The following FNDC1 variants were observed in gnomAD, a reference collection of about 807,000 sequenced individuals.
FNDC1 encodes the protein fibronectin type III domain containing 1.
A neutral mutation model predicts 168.0 loss-of-function variants in FNDC1; 96 were observed. That is an observed-to-expected ratio of 0.57 (90% confidence interval 0.48 to 0.68). The LOEUF (loss-of-function observed/expected upper bound fraction) is 0.68, where lower values mean the gene tolerates loss of function less well. Ranked by LOEUF, FNDC1 falls within the 30% of genes least tolerant of loss-of-function variation. The pLI, the probability that FNDC1 is intolerant of heterozygous loss-of-function variation, is 0.00. For synonymous variants in FNDC1, 1,099 were observed against 1,025.9 expected, an observed-to-expected ratio of 1.07 and a Z score of -1.36; for missense variants, 2,587 against 2,482.1, an observed-to-expected ratio of 1.04 and a Z score of -0.90.
intron 15 of FNDC1, among the ~76,000 whole-genome samples, chr6:159,247,673 C>T (rs1288107639): frequency 6.6e-6 from 1 of 152,044 alleles, no homozygotes; most frequent in Non-Finnish European, 1.5e-5. Context: ...TGTTTTCAGC[C>T]CAGGAGTTCG....
At chr6:159,269,226 T>C (rs1194588651) in intron 22 of FNDC1, among the ~76,000 whole-genome samples, 5 of 138,484 alleles carry the variant, frequency 3.6e-5, no homozygotes, top group East Asian at 2.3e-4. Flanking sequence ...TCTATCTATC[T>C]ATCTATCTAT....
intron 6 of FNDC1, among the ~76,000 whole-genome samples, chr6:159,222,983 CATTT>C (rs1435932010): frequency 3.4e-5 from 4 of 116,480 alleles, no homozygotes; most frequent in African/African-American, 1.4e-4. Flanking sequence ...GTGAAATACT[CATTT>C]TTTTTTTTTT....
intron 1 of FNDC1, among the ~76,000 whole-genome samples, chr6:159,178,747 T>A (rs549821689): frequency 7.0e-6 from 1 of 142,604 alleles, no homozygotes; most frequent in Non-Finnish European, 1.5e-5. Flanking sequence ...AGTGTTTTTC[T>A]TTTTTTTTTT....
chr6:159,267,283 T>A (rs894416232), intron 21 of FNDC1, among the ~76,000 whole-genome samples: 5 of 152,230 alleles, frequency 3.3e-5, no homozygotes, highest in African/African-American at 9.6e-5. Flanking sequence ...GCTTCAGAAT[T>A]CCTAGGAGAG....
At chr6:159,209,459 G>A (rs1232321531) in intron 4 of FNDC1, among the ~76,000 whole-genome samples, 1 of 152,210 alleles carries the variant, frequency 6.6e-6, no homozygotes, top group East Asian at 1.9e-4. Context: ...TACCCCGCTT[G>A]GGGGCACAGA....
chr6:159,255,595 T>C (rs1309945229), intron 17 of FNDC1, among the ~76,000 whole-genome samples: 2 of 152,216 alleles, frequency 1.3e-5, no homozygotes, highest in Admixed American at 6.5e-5. Flanking sequence ...AAATATTTGT[T>C]TAATGAATCA....
intron 1 of FNDC1, among the ~76,000 whole-genome samples, chr6:159,176,402 T>C (rs1015741710): frequency 3.3e-5 from 5 of 152,100 alleles, no homozygotes; most frequent in Admixed American, 2.0e-4. Context: ...TACAGACAGG[T>C]GATACGTGCT....
In FNDC1 at chr6:159,239,897, G is replaced by C. The variant is rs751784115; in HGVS notation, c.4561G>C (p.Asp1521His). The C allele has an allele frequency of 6.5e-7, 1 of 1,529,442 alleles. No individual in the cohort carries two copies. Among genetic ancestry groups the C allele is most frequent in the Non-Finnish European group, 8.8e-7 (1 of 1,134,600 alleles). 94.7% of individuals were successfully genotyped at this position (1,529,442 alleles called of 1,614,324 possible). The part of the protein sequence containing the change: ...TCPPGTLERH[D>H]DDGNLIMSSN... The stretch of plus-strand genomic sequence containing the variant: ...TCCCCCTGGGACCTTGGAACGGCAC[G>C]ACGATGATGGCAACCTGATAATGAG... The change falls in exon 14 of 23, where the codon GAC becomes CAC. Residue 1521 changes from aspartate to histidine, a missense_variant. By Grantham distance (81) the Asp-to-His change is moderately conservative (BLOSUM62 -1). Transcript: ENST00000297267.
rs1427879660 is a variant in FNDC1 at position 159,169,538 on chromosome 6, C to G, written c.-59C>G. The G allele has an allele frequency of 1.8e-5, 9 of 511,478 alleles. No individual in the cohort carries two copies. Among genetic ancestry groups the G allele is most frequent in the African/African-American group, 1.4e-4 (7 of 48,378 alleles). The allele number at this position is 511,478 out of a possible 1,614,324, so 31.7% of individuals were successfully genotyped here. On this transcript the variant is annotated 5_prime_UTR_variant, in exon 1 of 23. Coordinates refer to ENST00000297267, the MANE Select transcript of FNDC1 (RefSeq NM_032532.3). The surrounding 1 kb of genome is among the most constrained non-coding windows in gnomAD (Gnocchi z 6.8). ...GCGGCGCCTCGGCACTCCCCAGACT[C>G]CGGCCAGCGCCCCCCTGCCAGCCGC...
At chr6:159,220,368 C>G (rs484504) in intron 5 of FNDC1, among the ~76,000 whole-genome samples, 3 of 152,114 alleles carry the variant, frequency 2.0e-5, no homozygotes, top group African/African-American at 7.2e-5. Context: ...GTGTCACTTC[C>G]GTTAACTTAC....
chr6:159,256,720 T>A, intron 18 of FNDC1, 89 bp downstream of exon 18: 1 of 975,562 alleles, frequency 1.0e-6, no homozygotes, highest in South Asian at 1.4e-5. Context: ...GGAATCAAAA[T>A]GTTTTTGTGA....
chr6:159,223,332 A>C (rs1782877515), intron 6 of FNDC1, among the ~76,000 whole-genome samples, 196 bp from the exon 7 acceptor site: 1 of 152,136 alleles, frequency 6.6e-6, no homozygotes, highest in Admixed American at 6.5e-5. Context: ...TAAGAAATGC[A>C]AGACTGAGAT....
In FNDC1 at chr6:159,176,641, C is replaced by T. The variant is rs562625311; in HGVS notation, c.109+6936C>T. On this transcript the variant is annotated intron_variant, in intron 1 of 22. Coordinates refer to ENST00000297267, the MANE Select transcript of FNDC1 (RefSeq NM_032532.3). ...GCTGCTCTGGGTCAATGGTGGCATT[C>T]GGGGTTGGAGGTGTAGGAGGCACCC... Among the ~76,000 whole-genome samples, 13 of 152,204 alleles carry T rather than the reference C, an allele frequency of 8.5e-5. No homozygotes were observed. The East Asian group carries it at 1.9e-3, about 23-fold the overall frequency.
chr6:159,271,242 C>A (rs1275112385), intron 22 of FNDC1, 85 bp from the exon 23 acceptor site: 7 of 862,032 alleles, frequency 8.1e-6, no homozygotes, highest in African/African-American at 1.7e-5. Context: ...CAGAGGCCTT[C>A]TGTCTGAAGG....
In FNDC1 at chr6:159,269,257, CATCTATCT is replaced by C. The variant is rs369450487; in HGVS notation, c.5569+1359_5569+1366del. ...TCTATCTATCTATCTATCCATCTATCATCTATCTATCTATCTATCTATCTATCTATCTA... is the reference window on the plus strand; with the variant it reads ...TCTATCTATCTATCTATCCATCTATCATCTATCTATCTATCTATCTATCTA... On this transcript the variant is annotated intron_variant, in intron 22 of 22. Coordinates refer to ENST00000297267, the MANE Select transcript of FNDC1 (RefSeq NM_032532.3). 4.5e-4 allele frequency among the ~76,000 whole-genome samples: 19 copies of C among 42,624 alleles called. 2 individuals are homozygous for C. Among genetic ancestry groups the C allele is most frequent in the Admixed American group, 1.2e-3 (4 of 3,426 alleles). 28.0% of individuals were successfully genotyped at this position (42,624 alleles called of 152,430 possible).
At position 159,234,001 on chromosome 6, in the gene FNDC1, C is replaced by A; in HGVS notation, c.3489C>A (p.Ser1163=). 5 of 1,606,198 alleles carry A rather than the reference C, an allele frequency of 3.1e-6. No individual in the cohort carries two copies. The highest frequency in any genetic ancestry group is 4.2e-6 in the Non-Finnish European group (5 of 1,176,892). Residue 1163 remains serine (S), a synonymous_variant, in exon 11 of 23, where the codon TCC becomes TCA. Transcript: ENST00000297267. ...CGCCGGGGAAGTCGGAGCCTCCTTC[C>A]AAGCGGCCCCTGTCCTCCAAGTCCC... ...RAAPGKSEPP[S]KRPLSSKSQQ...
Position 159,229,910 on chromosome 6 carries a change from C to T in FNDC1, c.1276C>T (p.Gln426Ter), listed in dbSNP as rs777221466. 5.0e-6 allele frequency: 8 copies of T among 1,613,968 alleles called. No individual in the cohort carries two copies. The highest frequency in any genetic ancestry group is 6.8e-6 in the Non-Finnish European group (8 of 1,179,840). ...TACTTCTGCCCTGGTGGATGGTCTG[C>T]AGCCTGGGGAACGCTATCTTTTCAA... ...DTTSALVDGLQPGERYLFKIR... is the reference protein window; with the variant it reads ...DTTSALVDGL Residue 426 changes from glutamine (Q) to a stop codon, truncating the protein, a stop_gained, in exon 10 of 23, where the codon CAG becomes TAG. Transcript: ENST00000297267. LOFTEE classifies it high-confidence loss of function.
chr6:159,172,543 T>G (rs529479304), intron 1 of FNDC1, among the ~76,000 whole-genome samples: 1 of 152,216 alleles, frequency 6.6e-6, no homozygotes, highest in South Asian at 2.1e-4. Flanking sequence ...TATAAATGAA[T>G]GTGATTTGTA....
At position 159,233,661 on chromosome 6, in the gene FNDC1, A is replaced by G; in HGVS notation, c.3149A>G (p.His1050Arg). The G allele has an allele frequency of 1.9e-6, 3 of 1,550,446 alleles. No homozygotes were observed. The highest frequency in any genetic ancestry group is 2.6e-6 in the Non-Finnish European group (3 of 1,148,764). Reference protein sequence around the residue: ...RPRPTSQGRSHSSSDPYTASS... With the variant: ...RPRPTSQGRSRSSSDPYTASS... ...CGCCCCACGTCGCAGGGCCGCTCCCACTCCTCCTCGGACCCTTACACGGCG... is the reference window on the plus strand; with the variant it reads ...CGCCCCACGTCGCAGGGCCGCTCCCGCTCCTCCTCGGACCCTTACACGGCG... The change falls in exon 11 of 23, where the codon CAC becomes CGC. Residue 1050 changes from histidine to arginine, a missense_variant. His to Arg is a conservative substitution (Grantham distance 29, BLOSUM62 0). Transcript: ENST00000297267. This position sits in a 1 kb window ranked among gnomAD's most constrained non-coding sequence, Gnocchi z 4.6.
Sources: allele counts gnomAD v4.1 joint callset (sites outside exome capture counted in the v4.1 genomes callset), GRCh38; gene constraint gnomAD v4.1.1; non-coding constraint Gnocchi (gnomAD v3.1); transcripts MANE v1.5; gene names NCBI Gene and HGNC (gene_info 2026-07-23, HGNC 2026-07-21).